EGFL6: variants seen among roughly 807,000 people sequenced by gnomAD.
EGFL6 encodes epidermal growth factor-like protein 6.
Under a neutral mutation model 43.1 loss-of-function variants are expected in EGFL6, and 42 were observed. The ratio of observed to expected loss-of-function variants is 0.98; its 90% CI spans 0.76 to 1.26. EGFL6 has a LOEUF of 1.26. Ranked by LOEUF, EGFL6 falls within the 50% of genes most tolerant of loss-of-function variation. The probability of loss-of-function intolerance (pLI) is 0.00; values close to 1 mark genes in which losing one functional copy is unlikely to be tolerated. For synonymous variants in EGFL6, 164 were observed against 163.2 expected (o/e 1.01, Z -0.04); for missense variants, 429 against 427.8 (o/e 1.00, Z -0.02).
intron 1 of EGFL6, among the ~76,000 whole-genome samples, chrX:13,584,636 A>G (rs1356815416): frequency 8.9e-6 from 1 of 111,823 alleles, no homozygotes; most frequent in Non-Finnish European, 1.9e-5. Context: ...TCCTCCACCC[A>G]TATTCCTCAT....
chrX:13,600,817 A>C (rs895801965), intron 4 of EGFL6, among the ~76,000 whole-genome samples: 2 of 109,390 alleles, frequency 1.8e-5, no homozygotes, highest in African/African-American at 6.7e-5. Context: ...AAAGCGGTAA[A>C]ATAATGTGAA....
chrX:13,608,250 T>C (rs2045670700), intron 6 of EGFL6, 74 bp from the exon 7 acceptor site: 1 of 1,157,863 alleles, frequency 8.6e-7, no homozygotes, highest in Non-Finnish European at 1.2e-6. Context: ...GGCCCTACAG[T>C]TGATCAAGTG....
intron 11 of EGFL6, among the ~76,000 whole-genome samples, chrX:13,629,239 G>A (rs1247120097): frequency 1.8e-5 from 2 of 112,135 alleles, no homozygotes; most frequent in African/African-American, 3.2e-5. Flanking sequence ...TTTGCAGCAT[G>A]GTTTGGGGAC....
intron 2 of EGFL6, among the ~76,000 whole-genome samples, 166 bp from the exon 3 acceptor site, chrX:13,594,670 T>C (rs1261651737): frequency 3.6e-5 from 4 of 111,594 alleles, no homozygotes; most frequent in Non-Finnish European, 7.5e-5. Flanking sequence ...TATATTTCAT[T>C]GAATACCACT....
At position 13,619,193 on chromosome X, in the gene EGFL6, G is replaced by C. The variant is rs35842085; in HGVS notation, c.1133G>C (p.Gly378Ala). ...AAGGTGAATGAAGCAGGTGAATTCG[G>C]CCTGATTCTGGTCCAAAGGAAAGCG... ...FPKVNEAGEF[G>A]LILVQRKALT... The change falls in exon 9 of 12, where the codon GGC (glycine) becomes GCC (alanine). Residue 378 changes from glycine (G) to alanine (A), a missense_variant. Transcript: ENST00000361306. The C allele has an allele frequency of 8.7e-5, 105 of 1,209,927 alleles. 1 individual carries two copies. The African/African-American group carries it at 1.7e-3, about 19-fold the overall frequency.
rs1443194349 is a variant in EGFL6 at position 13,600,023 on chromosome X, T to C, written c.329T>C (p.Val110Ala). ...CCCCGGCCATGCCAACACAGATGTGTGAATACACACGGAAGCTACAAGTGC... is the reference window on the plus strand; with the variant it reads ...CCCCGGCCATGCCAACACAGATGTGCGAATACACACGGAAGCTACAAGTGC... ...MKPRPCQHRC[V>A]NTHGSYKCFC... Residue 110 changes from valine (V) to alanine (A), a missense_variant, in exon 4 of 12, where the codon GTG (valine) becomes GCG (alanine). Physicochemically the swap from Val to Ala is moderately conservative, Grantham distance 64 (BLOSUM62 0). Transcript: ENST00000361306. The C allele has an allele frequency of 6.6e-6, 8 of 1,210,592 alleles. No individual in the cohort carries two copies. Among genetic ancestry groups the C allele is most frequent in the Middle Eastern group, 2.3e-4 (1 of 4,352 alleles).
At chrX:13,581,098 C>T (rs2045503122) in intron 1 of EGFL6, among the ~76,000 whole-genome samples, 1 of 112,129 alleles carries the variant, frequency 8.9e-6, no homozygotes, top group Admixed American at 9.5e-5. Flanking sequence ...AGACACTCCC[C>T]ATCCCCAATC....
At chrX:13,612,255 G>GA (rs1569207924) in intron 7 of EGFL6, among the ~76,000 whole-genome samples, 5 of 108,597 alleles carry the variant, frequency 4.6e-5, no homozygotes, top group Non-Finnish European at 7.7e-5. Flanking sequence ...GACTCTTAAC[G>GA]AGCATGCTGC....
At chrX:13,574,407 C>T (rs983965583) in intron 1 of EGFL6, among the ~76,000 whole-genome samples, 1 of 111,709 alleles carries the variant, frequency 9.0e-6, no homozygotes, top group African/African-American at 3.3e-5. Context: ...TGACAAATTT[C>T]AGGACAAAAA....
intron 5 of EGFL6, among the ~76,000 whole-genome samples, chrX:13,603,709 T>C (rs185310638): frequency 8.0e-4 from 90 of 112,565 alleles, no homozygotes; most frequent in Admixed American, 1.4e-3. Context: ...ACATTTTATT[T>C]AAATTACCAT....
intron 1 of EGFL6, 74 bp from the exon 2 acceptor site, chrX:13,589,482 C>A: frequency 2.3e-6 from 2 of 865,894 alleles, no homozygotes; most frequent in Non-Finnish European, 3.2e-6. Context: ...ATCTCTGGTT[C>A]TTTTAGTAGT....
At chrX:13,591,835 C>G (rs2045564990) in intron 2 of EGFL6, among the ~76,000 whole-genome samples, 1 of 111,393 alleles carries the variant, frequency 9.0e-6, no homozygotes, top group Non-Finnish European at 1.9e-5. Context: ...AGGGTCTCAT[C>G]AGTTCGATAT....
intron 1 of EGFL6, among the ~76,000 whole-genome samples, chrX:13,580,831 G>A (rs1021960371): frequency 8.9e-6 from 1 of 111,934 alleles, no homozygotes; most frequent in Non-Finnish European, 1.9e-5. Flanking sequence ...TGACATAAAT[G>A]GCTCTACTTG....
chrX:13,602,254 G>T (rs772694320), intron 4 of EGFL6, among the ~76,000 whole-genome samples: 147 of 110,900 alleles, frequency 1.3e-3, no homozygotes, highest in African/African-American at 4.6e-3. Flanking sequence ...ATGGAGGGAG[G>T]GAGTACATTC....
chrX:13,611,412 A>G (rs1220257726), intron 7 of EGFL6, among the ~76,000 whole-genome samples: 1 of 111,971 alleles, frequency 8.9e-6, no homozygotes, highest in Admixed American at 9.5e-5. Flanking sequence ...ACAAAAAAAG[A>G]CACCTCAGGA....
intron 7 of EGFL6, among the ~76,000 whole-genome samples, chrX:13,611,851 T>C (rs1335119592): frequency 8.9e-6 from 1 of 112,383 alleles, no homozygotes; most frequent in African/African-American, 3.2e-5. Flanking sequence ...CTTTAGTCTT[T>C]CACTGGAATG....
chrX:13,577,313 T>C (rs1402456155), intron 1 of EGFL6, among the ~76,000 whole-genome samples: 2 of 13,439 alleles, frequency 1.5e-4, no homozygotes, highest in African/African-American at 4.9e-4. Context: ...TATATATATA[T>C]ATATATATAT....
chrX:13,616,067 G>C (rs766648906), intron 7 of EGFL6, among the ~76,000 whole-genome samples: 2 of 111,661 alleles, frequency 1.8e-5, no homozygotes, highest in South Asian at 7.5e-4. Flanking sequence ...CTTAGTCTTA[G>C]ATTAGTACAT....
chrX:13,629,998 G>A (rs886521928), intron 11 of EGFL6, among the ~76,000 whole-genome samples: 3 of 112,068 alleles, frequency 2.7e-5, no homozygotes, highest in African/African-American at 6.5e-5. Flanking sequence ...CTTTACTGGG[G>A]TTGGAATCTT....
Sources: gnomAD v4.1 joint callset for allele counts (sites outside exome capture counted in the v4.1 genomes callset) on GRCh38, gnomAD v4.1.1 for gene constraint, MANE v1.5 for transcripts, NCBI Gene and HGNC (gene_info 2026-07-23, HGNC 2026-07-21) for gene names.